GABRB2: variants seen among roughly 807,000 people sequenced by gnomAD.
GABRB2 encodes gamma-aminobutyric acid receptor subunit beta-2.
GABRB2 carries 16 observed loss-of-function variants against 54.7 expected under a neutral mutation model. That is an observed-to-expected ratio of 0.29 (90% CI 0.20 to 0.44). GABRB2 has a LOEUF of 0.44. Ranked by LOEUF, GABRB2 falls within the 20% of genes least tolerant of loss-of-function variation. The probability of loss-of-function intolerance (pLI) is 1.00; values close to 1 mark genes in which losing one functional copy is unlikely to be tolerated. For missense variants in GABRB2, 355 were observed against 644.0 expected, an observed-to-expected ratio of 0.55 and a Z score of 4.86; for synonymous variants, 244 against 233.8, an observed-to-expected ratio of 1.04 and a Z score of -0.40.
At chr5:161,541,162 A>G (rs1350149219) in intron 3 of GABRB2, among the ~76,000 whole-genome samples, 8 of 149,246 alleles carry the variant, frequency 5.4e-5, no homozygotes, top group Non-Finnish European at 1.0e-4. Context: ...TAAGTCAGTA[A>G]GAATCTTTTT....
chr5:161,541,167 CT>C (rs34004032), intron 3 of GABRB2, among the ~76,000 whole-genome samples: 11,533 of 143,280 alleles, frequency 0.08, 709 homozygotes, highest in East Asian at 0.28. Flanking sequence ...CAGTAAGAAT[CT>C]TTTTTTTTTT....
At chr5:161,469,365 T>G (rs1341051743) in intron 3 of GABRB2, among the ~76,000 whole-genome samples, 12 of 151,896 alleles carry the variant, frequency 7.9e-5, no homozygotes. Context: ...AAGCATAAAT[T>G]TCTTTTATAT....
intron 4 of GABRB2, among the ~76,000 whole-genome samples, chr5:161,428,288 C>CGTGTGTGTGTGTGT (rs71302909): frequency 1.4e-5 from 2 of 145,206 alleles, no homozygotes; most frequent in African/African-American, 2.5e-5. Context: ...CAGAGAGTTA[C>CGTGTGTGTGTGTGT]GTGTGTGTGT....
At chr5:161,485,629 C>T (rs1356841573) in intron 3 of GABRB2, among the ~76,000 whole-genome samples, 1 of 151,904 alleles carries the variant, frequency 6.6e-6, no homozygotes, top group Non-Finnish European at 1.5e-5. Flanking sequence ...CGAAAATCAG[C>T]CCTCTCCCAC....
At chr5:161,305,259 A>T (rs927945933) in intron 9 of GABRB2, among the ~76,000 whole-genome samples, 1 of 149,870 alleles carries the variant, frequency 6.7e-6, no homozygotes, top group Non-Finnish European at 1.5e-5. Context: ...CTCATGATCC[A>T]CCCACCTCGG....
At chr5:161,482,068 T>C (rs922343370) in intron 3 of GABRB2, among the ~76,000 whole-genome samples, 1 of 152,026 alleles carries the variant, frequency 6.6e-6, no homozygotes, top group African/African-American at 2.4e-5. Flanking sequence ...CAGACCCTAG[T>C]GCATGGGATT....
chr5:161,379,832 A>C (rs1317265765), intron 5 of GABRB2, among the ~76,000 whole-genome samples: 3 of 152,108 alleles, frequency 2.0e-5, no homozygotes, highest in Non-Finnish European at 2.9e-5. Context: ...ATTTGAAGCC[A>C]CTGTCAGTTA....
Position 161,294,049 on chromosome 5 carries a change from T to A in GABRB2, c.*32A>T, listed in dbSNP as rs773344544. ...GCTGTACAACTGGTTTGAGGAGGAA[T>A]CTAGTCCTTGCTTCCAGTGGGAGGC... is the stretch of plus-strand genomic sequence containing the variant. On this transcript the variant is annotated 3_prime_UTR_variant, in exon 10 of 10. Transcript: ENST00000393959. The A allele has an allele frequency of 1.1e-5, 17 of 1,521,692 alleles. No individual in the cohort carries two copies. Among genetic ancestry groups the A allele is most frequent in the Middle Eastern group, 1.7e-4 (1 of 5,820 alleles). The allele number at this position is 1,521,692 out of a possible 1,614,324, so 94.3% of individuals were successfully genotyped here. A position where few individuals can be genotyped will look rare whatever the true frequency, so the allele number is the denominator to read the frequency against.
chr5:161,420,028 A>G (rs1329691139), intron 4 of GABRB2, among the ~76,000 whole-genome samples: 1 of 152,232 alleles, frequency 6.6e-6, no homozygotes, highest in Admixed American at 6.5e-5. Context: ...AGTCTCTTAC[A>G]GACTAGAAAG....
chr5:161,537,289 A>C lies in GABRB2; in HGVS notation c.237+7938T>G, dbSNP rs142737834. Among the ~76,000 whole-genome samples, 140 of 152,244 alleles carry C rather than the reference A, an allele frequency of 9.2e-4. 1 individual carries two copies. The highest frequency in any genetic ancestry group is 3.2e-3 in the African/African-American group (131 of 41,556). On this transcript the variant is annotated intron_variant, in intron 3 of 9. Transcript: ENST00000393959. ...ATGTATTCACAAAGTTAGAAGCACC[A>C]CTTATATGCTGACAATGCTCAGTTC...
intron 3 of GABRB2, among the ~76,000 whole-genome samples, chr5:161,517,530 A>G (rs1759984326): frequency 6.6e-6 from 1 of 152,130 alleles, no homozygotes; most frequent in South Asian, 2.1e-4. Flanking sequence ...TTTTTAATGT[A>G]TGTGCATCCT....
At chr5:161,461,945 T>C (rs982388805) in intron 3 of GABRB2, among the ~76,000 whole-genome samples, 1 of 152,234 alleles carries the variant, frequency 6.6e-6, no homozygotes, top group Non-Finnish European at 1.5e-5. Flanking sequence ...TTGAGATTTA[T>C]ACATCTTAAT....
rs1757231519 is a variant in GABRB2 at position 161,291,304 on chromosome 5, A to G, written c.*2777T>C. 6.6e-6 allele frequency: 1 copy of G among 152,242 alleles called. No individual in the cohort carries two copies. The highest frequency in any genetic ancestry group is 1.5e-5 in the Non-Finnish European group (1 of 68,020). The allele number at this position is 152,242 out of a possible 1,614,324, so 9.4% of individuals were successfully genotyped here. On this transcript the variant is annotated 3_prime_UTR_variant, in exon 10 of 10. Transcript: ENST00000393959. ...ATATGTATAAACTGATAGTAATCCC[A>G]TATCAGAACTACTAAACACACCTTT...
At chr5:161,448,740 T>C (rs1757707062) in intron 4 of GABRB2, among the ~76,000 whole-genome samples, 1 of 152,204 alleles carries the variant, frequency 6.6e-6, no homozygotes, top group African/African-American at 2.4e-5. Context: ...TTACTTGGAC[T>C]TGGTCGTTCA....
At chr5:161,419,713 A>C (rs1756792479) in intron 4 of GABRB2, among the ~76,000 whole-genome samples, 1 of 152,242 alleles carries the variant, frequency 6.6e-6, no homozygotes, top group African/African-American at 2.4e-5. Context: ...AGAAACAGAA[A>C]GGTAAATACG....
chr5:161,547,118 G>T (rs1761011787), upstream of GABRB2: 1 of 155,424 alleles, frequency 6.4e-6, no homozygotes, highest in African/African-American at 2.4e-5. Context: ...GCCCACTTCT[G>T]GTCTCAGCCG....
At chr5:161,485,836 C>T (rs984409551) in intron 3 of GABRB2, among the ~76,000 whole-genome samples, 1 of 151,874 alleles carries the variant, frequency 6.6e-6, no homozygotes, top group Admixed American at 6.6e-5. Flanking sequence ...TTCCTTTACA[C>T]CCTGGAACTT....
intron 5 of GABRB2, among the ~76,000 whole-genome samples, chr5:161,399,941 A>G (rs1756132082): frequency 6.6e-6 from 1 of 152,170 alleles, no homozygotes. Context: ...GATGGCGATA[A>G]TGTAATTTTC....
At chr5:161,416,695 T>TAAAAAAAAAAAAAAAAAAAAA (rs1756678918) in intron 4 of GABRB2, among the ~76,000 whole-genome samples, 1 of 6,314 alleles carries the variant, frequency 1.6e-4, no homozygotes, top group Non-Finnish European at 3.7e-4. Context: ...AGACTCCGTC[T>TAAAAAAAAAAAAAAAAAAAAA]CAAAAAAAAA....
Sources: allele counts gnomAD v4.1 joint callset (sites outside exome capture counted in the v4.1 genomes callset), GRCh38; gene constraint gnomAD v4.1.1; transcripts MANE v1.5; gene names NCBI Gene and HGNC (gene_info 2026-07-23, HGNC 2026-07-21).